IGF1: variants seen among roughly 807,000 people sequenced by gnomAD.
IGF1 encodes insulin like growth factor 1.
Under a neutral mutation model 13.8 loss-of-function variants are expected in IGF1, and 4 were observed. The ratio of observed to expected loss-of-function variants is 0.29; its 90% CI spans 0.14 to 0.66. The LOEUF is 0.66. Ranked by LOEUF, IGF1 falls within the 30% of genes least tolerant of loss-of-function variation. The pLI is 0.78. For missense variants in IGF1, 124 were observed against 188.5 expected (o/e 0.66, Z 2.00); for synonymous variants, 76 against 72.6 (o/e 1.05, Z -0.23).
At chr12:102,436,274 A>G (rs1041373708) in intron 2 of IGF1, among the ~76,000 whole-genome samples, 2 of 152,206 alleles carry the variant, frequency 1.3e-5, no homozygotes, top group African/African-American at 4.8e-5. Flanking sequence ...AGGTCTCAGG[A>G]AAGGAAATTA....
chr12:102,401,406 T>C lies in IGF1; in HGVS notation c.*1101A>G, dbSNP rs1873669430. On this transcript the variant is annotated 3_prime_UTR_variant, in exon 4 of 4. Transcript: ENST00000337514. ...TCCTCTCTGGACTCGCCAGTCCAATTTGCATCAGTGGACTTTTGTGTCTGA... is the reference window on the plus strand; with the variant it reads ...TCCTCTCTGGACTCGCCAGTCCAATCTGCATCAGTGGACTTTTGTGTCTGA... 1 of 152,756 alleles carries C rather than the reference T, an allele frequency of 6.5e-6. No homozygotes were observed. The highest frequency in any genetic ancestry group is 3.4e-3 in the Middle Eastern group (1 of 294). The allele number at this position is 152,756 out of a possible 1,614,324, so 9.5% of individuals were successfully genotyped here.
intron 2 of IGF1, among the ~76,000 whole-genome samples, chr12:102,466,960 T>C (rs140435231): frequency 6.1e-4 from 93 of 152,136 alleles, no homozygotes; most frequent in Non-Finnish European, 1.3e-3. Flanking sequence ...CATAAAGAGG[T>C]TGGGGATAGG....
intron 2 of IGF1, among the ~76,000 whole-genome samples, chr12:102,443,474 C>T (rs375325808): frequency 6.6e-6 from 1 of 152,074 alleles, no homozygotes; most frequent in Non-Finnish European, 1.5e-5. Context: ...GATTTTGTGG[C>T]ATAGAGCTAC....
intron 2 of IGF1, among the ~76,000 whole-genome samples, chr12:102,433,470 G>A (rs1185768056): frequency 1.3e-5 from 2 of 152,274 alleles, no homozygotes; most frequent in East Asian, 3.9e-4. Context: ...ATTTCTTCAG[G>A]CCCCCATGAG....
intron 2 of IGF1, among the ~76,000 whole-genome samples, chr12:102,422,022 C>CAA (rs5742669): frequency 1.3e-5 from 2 of 151,542 alleles, no homozygotes; most frequent in African/African-American, 4.8e-5. Context: ...ATCATCACAG[C>CAA]AAAAAAAATA....
intron 2 of IGF1, among the ~76,000 whole-genome samples, chr12:102,441,957 T>TCTTCTTCTTCTTCTTCTTCTTCTTTC (rs71438463): frequency 7.4e-6 from 1 of 134,678 alleles, no homozygotes; most frequent in African/African-American, 2.7e-5. Context: ...TTCTTCTTCT[T>TCTTCTTCTTCTTCTTCTTCTTCTTTC]TTTTTTTTTT....
chr12:102,417,446 A>G, intron 3 of IGF1: 5 of 672,346 alleles, frequency 7.4e-6, no homozygotes, highest in Non-Finnish European at 9.2e-6. Context: ...CAATTCTTCC[A>G]TAACAGATTC....
intron 2 of IGF1, among the ~76,000 whole-genome samples, chr12:102,474,691 C>T (rs867842130): frequency 1.3e-5 from 2 of 152,216 alleles, no homozygotes; most frequent in African/African-American, 4.8e-5. Flanking sequence ...GACTCATGCT[C>T]AGTTTCCTGG....
At chr12:102,407,905 TTTGCCTGAGAGATA>T (rs1181436970) in intron 3 of IGF1, among the ~76,000 whole-genome samples, 1 of 152,182 alleles carries the variant, frequency 6.6e-6, no homozygotes, top group Non-Finnish European at 1.5e-5. Flanking sequence ...TTTATGAGAT[TTTGCCTGAGAGATA>T]GAATCTAAAA....
intron 2 of IGF1, among the ~76,000 whole-genome samples, chr12:102,465,675 G>A (rs377321936): frequency 6.6e-6 from 1 of 152,146 alleles, no homozygotes; most frequent in African/African-American, 2.4e-5. Flanking sequence ...GGTGGCTCAC[G>A]CCTGTAATCC....
chr12:102,424,573 T>C (rs1295093825), intron 2 of IGF1, among the ~76,000 whole-genome samples: 1 of 152,164 alleles, frequency 6.6e-6, no homozygotes, highest in African/African-American at 2.4e-5. Flanking sequence ...TAATATAAAT[T>C]CATTTGGTTT....
At chr12:102,454,641 C>G (rs917675152) in intron 2 of IGF1, among the ~76,000 whole-genome samples, 2 of 152,160 alleles carry the variant, frequency 1.3e-5, no homozygotes, top group Non-Finnish European at 2.9e-5. Context: ...TGGAAAAGGG[C>G]CTTATTTCCT....
chr12:102,462,382 C>T (rs1879970204), intron 2 of IGF1, among the ~76,000 whole-genome samples: 2 of 152,100 alleles, frequency 1.3e-5, no homozygotes, highest in Admixed American at 1.3e-4. Context: ...ACCAATCATC[C>T]ACTGAATGAC....
At chr12:102,444,852 T>C (rs933022206) in intron 2 of IGF1, among the ~76,000 whole-genome samples, 8 of 152,040 alleles carry the variant, frequency 5.3e-5, no homozygotes, top group Non-Finnish European at 1.0e-4. Flanking sequence ...AGAATATACT[T>C]GATTGCCTCA....
chr12:102,460,947 A>G (rs759460093), intron 2 of IGF1, among the ~76,000 whole-genome samples: 1 of 152,166 alleles, frequency 6.6e-6, no homozygotes, highest in African/African-American at 2.4e-5. Flanking sequence ...TTCCCTGCCA[A>G]ACTGGGAAGA....
chr12:102,451,378 A>G (rs1234685418), intron 2 of IGF1, among the ~76,000 whole-genome samples: 2 of 152,216 alleles, frequency 1.3e-5, no homozygotes, highest in Non-Finnish European at 2.9e-5. Flanking sequence ...TTGTTTACGC[A>G]GAGTAAGTAA....
At position 102,402,268 on chromosome 12, in the gene IGF1, C is replaced by A; in HGVS notation, c.*239G>T. 9.7e-6 allele frequency: 4 copies of A among 412,282 alleles called. No homozygotes were observed. The highest frequency in any genetic ancestry group is 8.8e-6 in the Non-Finnish European group (2 of 227,950). 25.5% of individuals were successfully genotyped at this position (412,282 alleles called of 1,614,324 possible). On this transcript the variant is annotated 3_prime_UTR_variant, in exon 4 of 4. Transcript: ENST00000337514. ...TATTTTTTTTTTCTTTTCTATAGAA[C>A]ATTATTGATAAAAGATCAACAGCAA... is the stretch of plus-strand genomic sequence containing the variant.
rs1006167758 is a variant in IGF1, at chr12:102,398,265, C to G, written c.*4242G>C. 2.0e-5 allele frequency: 3 copies of G among 152,600 alleles called. No individual in the cohort carries two copies. Among genetic ancestry groups the G allele is most frequent in the Non-Finnish European group, 4.4e-5 (3 of 68,022 alleles). 9.5% of individuals were successfully genotyped at this position (152,600 alleles called of 1,614,324 possible). Reference sequence around the variant, plus strand: ...ATTGCTTTTCATGAGAGCTACTGCTCTTTGAGATGTCTGGGTGAAGGGAGA... The same window carrying G: ...ATTGCTTTTCATGAGAGCTACTGCTGTTTGAGATGTCTGGGTGAAGGGAGA... On this transcript the variant is annotated 3_prime_UTR_variant, in exon 4 of 4. Coordinates refer to ENST00000337514, the MANE Select transcript of IGF1 (RefSeq NM_000618.5).
chr12:102,412,687 A>G (rs1874750882), intron 3 of IGF1, among the ~76,000 whole-genome samples: 1 of 152,248 alleles, frequency 6.6e-6, no homozygotes, highest in African/African-American at 2.4e-5. Context: ...ACAATAGGCA[A>G]TGAAAGTTAT....
Sources: allele counts gnomAD v4.1 joint callset (sites outside exome capture counted in the v4.1 genomes callset), GRCh38; gene constraint gnomAD v4.1.1; transcripts MANE v1.5; gene names NCBI Gene and HGNC (gene_info 2026-07-23, HGNC 2026-07-21).